Variants in CIMAP1D observed in about 807,000 individuals in gnomAD.
CIMAP1D encodes the protein CIMAP1 family member D.
the CIMAP1D span, among the ~76,000 whole-genome samples, chr19:480,463 T>TG: frequency 7.4e-6 from 1 of 134,940 alleles, no homozygotes; most frequent in Non-Finnish European, 1.5e-5. Context: ...GGGAGGATGA[T>TG]GGGAAGGATG....
At chr19:463,506 G>A in the CIMAP1D span, 1 of 385,650 alleles carries the variant, frequency 2.6e-6, no homozygotes, top group Non-Finnish European at 4.7e-6. Context: ...TAGTGGAGCT[G>A]GACGCCGAGT....
chr19:473,585 C>T, the CIMAP1D span, among the ~76,000 whole-genome samples: 1 of 78,692 alleles, frequency 1.3e-5, no homozygotes, highest in Non-Finnish European at 2.3e-5. Context: ...GAAACTGAGG[C>T]CCAGGCAGAG....
chr19:478,640 C>A, the CIMAP1D span, among the ~76,000 whole-genome samples: 1 of 152,278 alleles, frequency 6.6e-6, no homozygotes, highest in Non-Finnish European at 1.5e-5. Flanking sequence ...GAATTCAACA[C>A]ACATGCAGAT....
At chr19:490,753 G>A in the CIMAP1D span, among the ~76,000 whole-genome samples, 1 of 152,110 alleles carries the variant, frequency 6.6e-6, no homozygotes. Context: ...CACTTGAGGT[G>A]GGGAGTTCAA....
the CIMAP1D span, among the ~76,000 whole-genome samples, chr19:479,562 G>A: frequency 4.0e-5 from 6 of 151,840 alleles, no homozygotes; most frequent in East Asian, 2.0e-4. Flanking sequence ...GCGCAACCAC[G>A]CCCGGCTAAT....
the CIMAP1D span, chr19:463,583 ACCTGG>A: frequency 4.3e-5 from 23 of 536,468 alleles, no homozygotes; most frequent in African/African-American, 6.0e-5. Flanking sequence ...CCCTTTCCCC[ACCTGG>A]CCTGGCCTGG....
At chr19:487,663 C>G in the CIMAP1D span, among the ~76,000 whole-genome samples, 1 of 152,126 alleles carries the variant, frequency 6.6e-6, no homozygotes. Flanking sequence ...GAGTGAGACC[C>G]TGTGTCAAAA....
chr19:468,911 G>A, the CIMAP1D span, among the ~76,000 whole-genome samples: 1 of 129,994 alleles, frequency 7.7e-6, no homozygotes, highest in South Asian at 2.5e-4. Context: ...TCCGTGGCAC[G>A]CAGCGTGGCC....
chr19:479,056 G>A, the CIMAP1D span, among the ~76,000 whole-genome samples: 16 of 152,218 alleles, frequency 1.1e-4, no homozygotes, highest in Admixed American at 3.3e-4. Flanking sequence ...GTTGGAGGCC[G>A]AAAGAGTGAG....
the CIMAP1D span, chr19:467,656 C>T: frequency 1.2e-6 from 2 of 1,611,070 alleles, no homozygotes; most frequent in Non-Finnish European, 1.7e-6. Flanking sequence ...CACCCCGAGA[C>T]TTGGCCCGGC....
the CIMAP1D span, among the ~76,000 whole-genome samples, chr19:491,197 A>C: frequency 6.6e-6 from 1 of 152,078 alleles, no homozygotes; most frequent in African/African-American, 2.4e-5. Context: ...GAATCGCTTG[A>C]ACCCAGGAGG....
the CIMAP1D span, among the ~76,000 whole-genome samples, chr19:475,986 ATTTTTTTTTTTTTTT>A: frequency 2.5e-4 from 10 of 39,266 alleles, no homozygotes; most frequent in South Asian, 5.3e-3. Flanking sequence ...CGCCTGGCTA[ATTTTTTTTTTTTTTT>A]TTTTTTTTTT....
the CIMAP1D span, among the ~76,000 whole-genome samples, chr19:465,141 G>GGATGGGTGGGTGGGT: frequency 6.6e-6 from 1 of 150,404 alleles, no homozygotes; most frequent in Non-Finnish European, 1.5e-5. Flanking sequence ...GTGGATGGAT[G>GGATGGGTGGGTGGGT]GATGGGTGGG....
At chr19:464,822 A>G in the CIMAP1D span, among the ~76,000 whole-genome samples, 2 of 152,216 alleles carry the variant, frequency 1.3e-5, no homozygotes, top group Admixed American at 1.3e-4. Flanking sequence ...CAGGATAGGT[A>G]GGAGGTGAGT....
chr19:481,773 T>G, the CIMAP1D span, among the ~76,000 whole-genome samples: 3 of 136,994 alleles, frequency 2.2e-5, no homozygotes, highest in Admixed American at 7.6e-5. Flanking sequence ...CCTCCTACTT[T>G]TTTTTTTTTT....
the CIMAP1D span, among the ~76,000 whole-genome samples, chr19:474,027 G>A: frequency 4.0e-5 from 6 of 151,546 alleles, no homozygotes; most frequent in Non-Finnish European, 8.8e-5. Flanking sequence ...CAGATGGGGA[G>A]ACTGAGGCCT....
chr19:479,816 G>A, the CIMAP1D span, among the ~76,000 whole-genome samples: 11 of 152,258 alleles, frequency 7.2e-5, no homozygotes, highest in Admixed American at 2.0e-4. Context: ...GATGACAGGC[G>A]TGAGCCACCA....
At chr19:476,465 C>G in the CIMAP1D span, among the ~76,000 whole-genome samples, 1 of 152,176 alleles carries the variant, frequency 6.6e-6, no homozygotes, top group Non-Finnish European at 1.5e-5. Flanking sequence ...GCTGGGATTA[C>G]AAGCGTAAGC....
chr19:486,783 A>G, the CIMAP1D span, among the ~76,000 whole-genome samples: 13 of 151,820 alleles, frequency 8.6e-5, no homozygotes, highest in African/African-American at 2.4e-4. Context: ...GCGTGGTGGC[A>G]GGCGCCTGTA....
Sources: allele counts gnomAD v4.1 joint callset (sites outside exome capture counted in the v4.1 genomes callset), GRCh38; gene constraint gnomAD v4.1.1; transcripts MANE v1.5; gene names NCBI Gene and HGNC (gene_info 2026-07-23, HGNC 2026-07-21).